The following ARHGAP24 variants were observed in gnomAD, a reference collection of about 807,000 sequenced individuals.
ARHGAP24 encodes the protein rho GTPase-activating protein 24.
ARHGAP24 carries 50 observed loss-of-function variants against 76.4 expected under a neutral mutation model. The observed-to-expected ratio is 0.65, with a 90% CI of 0.52 to 0.83. The LOEUF (loss-of-function observed/expected upper bound fraction) is 0.83, where lower values mean the gene tolerates loss of function less well. Among genes scored for constraint, ARHGAP24 ranks in the 40% least tolerant of loss-of-function variants. The pLI is 0.00. For synonymous variants in ARHGAP24, 345 were observed against 323.3 expected (o/e 1.07, Z -0.72); for missense variants, 930 against 914.2 (o/e 1.02, Z -0.22).
chr4:85,591,580 T>C (rs920920440), intron 2 of ARHGAP24, among the ~76,000 whole-genome samples: 2 of 152,220 alleles, frequency 1.3e-5, no homozygotes, highest in Non-Finnish European at 2.9e-5. Flanking sequence ...GTCACAGTCA[T>C]TAGTTACAAG....
intron 3 of ARHGAP24, among the ~76,000 whole-genome samples, chr4:85,743,641 G>C (rs1001542926): frequency 1.3e-5 from 2 of 151,856 alleles, no homozygotes; most frequent in African/African-American, 4.8e-5. Flanking sequence ...AAGCAGAACT[G>C]TTGTACCAAA....
chr4:85,964,391 A>C (rs1384239292), intron 5 of ARHGAP24, among the ~76,000 whole-genome samples: 1 of 152,174 alleles, frequency 6.6e-6, no homozygotes, highest in Non-Finnish European at 1.5e-5. Context: ...TGTATGAAAC[A>C]TCTAAAAATT....
In ARHGAP24 at chr4:85,545,341, C is replaced by G. The variant is rs186116321; in HGVS notation, c.-20-25181C>G. On this transcript the variant is annotated intron_variant, in intron 1 of 9. Transcript: ENST00000395184. ...TCTCAAACTCCTAACCTCAGGTGAT[C>G]CACCCACCTCAGCCCCCGAAAGTGC... Among the ~76,000 whole-genome samples, 103 of 152,204 alleles carry G rather than the reference C, an allele frequency of 6.8e-4. 1 individual carries two copies. The highest frequency in any genetic ancestry group is 4.3e-3 in the Admixed American group (65 of 15,292).
intron 3 of ARHGAP24, among the ~76,000 whole-genome samples, chr4:85,826,132 TC>T: frequency 6.6e-6 from 1 of 152,206 alleles, no homozygotes; most frequent in South Asian, 2.1e-4. Context: ...TCCACCTGTC[TC>T]CCTCCCTCTG....
chr4:85,541,271 A>G (rs1308320821), intron 1 of ARHGAP24, among the ~76,000 whole-genome samples: 1 of 129,402 alleles, frequency 7.7e-6, no homozygotes, highest in African/African-American at 3.8e-5. Flanking sequence ...CTCCTGCCTC[A>G]GCCTCCCAAG....
intron 3 of ARHGAP24, among the ~76,000 whole-genome samples, chr4:85,819,195 T>C (rs1313101576): frequency 5.3e-5 from 8 of 152,232 alleles, no homozygotes; most frequent in African/African-American, 1.9e-4. Flanking sequence ...GTGTTATTAC[T>C]TAGAATTGCC....
intron 1 of ARHGAP24, among the ~76,000 whole-genome samples, chr4:85,523,835 A>G (rs1044671043): frequency 1.1e-4 from 16 of 152,166 alleles, no homozygotes; most frequent in African/African-American, 3.6e-4. Flanking sequence ...GGTTAAAAAA[A>G]AAAAGGCAAA....
rs551824816 is a variant in ARHGAP24, at chr4:85,994,689, C to T, written c.1035C>T (p.Asn345=). 1.2e-5 allele frequency: 20 copies of T among 1,614,098 alleles called. No individual in the cohort carries two copies. In the Admixed American group the frequency reaches 3.3e-4, roughly 27 times the overall value. The part of the protein sequence containing the change: ...LQSKPQDGVS[N]NNEIQKKATM... The stretch of plus-strand genomic sequence containing the variant: ...GCAAGCCCCAAGATGGAGTGAGCAA[C>T]AACAATGAAATTCAGAAGAAAGCCA... The change falls in exon 9 of 10, where the codon AAC becomes AAT. Residue 345 remains asparagine, a synonymous_variant. Coordinates refer to ENST00000395184, the MANE Select transcript of ARHGAP24 (RefSeq NM_001025616.3).
chr4:85,663,427 A>G (rs1330865454), intron 2 of ARHGAP24, among the ~76,000 whole-genome samples: 2 of 148,222 alleles, frequency 1.3e-5, no homozygotes, highest in African/African-American at 2.5e-5. Flanking sequence ...GGCTGAGACA[A>G]TGGGGTTTCC....
At chr4:85,504,369 A>C (rs1274648533) in intron 1 of ARHGAP24, among the ~76,000 whole-genome samples, 1 of 152,050 alleles carries the variant, frequency 6.6e-6, no homozygotes, top group Non-Finnish European at 1.5e-5. Flanking sequence ...TTTGTAGGTC[A>C]CTCAGGACTT....
intron 3 of ARHGAP24, among the ~76,000 whole-genome samples, chr4:85,782,526 G>A (rs1017365963): frequency 2.0e-5 from 3 of 152,150 alleles, no homozygotes; most frequent in Admixed American, 2.0e-4. Flanking sequence ...TTCTCCAGAA[G>A]CCTCAGAATT....
intron 2 of ARHGAP24, among the ~76,000 whole-genome samples, chr4:85,665,730 G>A (rs1269090926): frequency 2.0e-5 from 3 of 152,124 alleles, no homozygotes; most frequent in Non-Finnish European, 4.4e-5. Context: ...AAATCTCTCA[G>A]CATTTGCTTG....
chr4:85,832,467 C>T (rs575461941), intron 3 of ARHGAP24, among the ~76,000 whole-genome samples: 2 of 152,226 alleles, frequency 1.3e-5, no homozygotes, highest in South Asian at 4.2e-4. Flanking sequence ...CCTCAGATGA[C>T]AAATCATCAG....
In ARHGAP24 at chr4:85,721,780, TG is replaced by T. The variant is rs1489560191; in HGVS notation, c.181-104del. The T allele has an allele frequency of 3.1e-6, 3 of 955,350 alleles. No individual in the cohort carries two copies. In the African/African-American group the frequency reaches 4.9e-5, roughly 15 times the overall value. 59.2% of individuals were successfully genotyped at this position (955,350 alleles called of 1,614,324 possible). On this transcript the variant is annotated intron_variant, in intron 2 of 9. Transcript: ENST00000395184. ...TATAAAAGATTCTGATGCATCTTAC[TG>T]TATACTGGGTTATAGCTACACCTTG...
intron 3 of ARHGAP24, among the ~76,000 whole-genome samples, chr4:85,789,827 G>GA (rs1728036877): frequency 6.6e-6 from 1 of 152,146 alleles, no homozygotes; most frequent in African/African-American, 2.4e-5. Flanking sequence ...TTCTTGAGAA[G>GA]TCCTACTCAA....
At chr4:85,867,403 C>T (rs759066749) in intron 3 of ARHGAP24, among the ~76,000 whole-genome samples, 3 of 152,126 alleles carry the variant, frequency 2.0e-5, no homozygotes, top group Non-Finnish European at 2.9e-5. Flanking sequence ...GATTTATTCT[C>T]ATAAGCCAAA....
At chr4:85,923,796 A>T in intron 4 of ARHGAP24, 26 bp downstream of exon 4, 3 of 1,613,712 alleles carry the variant, frequency 1.9e-6, no homozygotes, top group Non-Finnish European at 2.5e-6. Context: ...AATCATGGAA[A>T]AACAGAAAGG....
At chr4:85,504,627 C>T (rs576007551) in intron 1 of ARHGAP24, among the ~76,000 whole-genome samples, 6 of 152,188 alleles carry the variant, frequency 3.9e-5, no homozygotes, top group Non-Finnish European at 5.9e-5. Context: ...GCACATGAGA[C>T]GGGTCTCCTG....
At chr4:85,987,242 T>C (rs1263326032) in intron 8 of ARHGAP24, among the ~76,000 whole-genome samples, 1 of 152,140 alleles carries the variant, frequency 6.6e-6, no homozygotes, top group Non-Finnish European at 1.5e-5. Context: ...TACTTTCTGC[T>C]CAATTTTTCT....
Sources: gnomAD v4.1 joint callset for allele counts (sites outside exome capture counted in the v4.1 genomes callset) on GRCh38, gnomAD v4.1.1 for gene constraint, MANE v1.5 for transcripts, NCBI Gene and HGNC (gene_info 2026-07-23, HGNC 2026-07-21) for gene names.